The following THUMPD2 variants were observed in gnomAD, a reference collection of about 807,000 sequenced individuals.
The protein encoded by THUMPD2 is U6 snRNA (guanine-N(2))-methyltransferase THUMPD2.
THUMPD2 carries 56 observed loss-of-function variants against 49.4 expected under a neutral mutation model. The observed-to-expected ratio is 1.13, with a 90% CI of 0.91 to 1.41. The LOEUF (loss-of-function observed/expected upper bound fraction) is 1.41. THUMPD2 is among the 40% of genes most tolerant of loss of function. THUMPD2 has a pLI of 0.00. For synonymous variants in THUMPD2, 237 were observed against 205.2 expected (o/e 1.15, Z -1.32); for missense variants, 709 against 594.5 (o/e 1.19, Z -2.00).
intron 1 of THUMPD2, among the ~76,000 whole-genome samples, chr2:39,778,811 G>A (rs1679457252): frequency 2.6e-5 from 4 of 152,262 alleles, no homozygotes; most frequent in Admixed American, 2.6e-4. Context: ...TGACAGGCCA[G>A]ATTCTAATTA....
chr2:39,771,599 A>G lies in THUMPD2; in HGVS notation c.168T>C (p.Ser56=). The G allele has an allele frequency of 6.2e-7, 1 of 1,605,728 alleles. No homozygotes were observed. The highest frequency in any genetic ancestry group is 2.2e-5 in the East Asian group (1 of 44,588). Residue 56 remains serine, a synonymous_variant, in exon 2 of 10, where the codon TCT becomes TCC. Coordinates refer to ENST00000505747, the MANE Select transcript of THUMPD2 (RefSeq NM_025264.5). Reference sequence around the variant, plus strand: ...TTAATTTCTTCAACATATTCAAATCAGAACAGGTGGTGAAAAAAACCTTTC... The same window carrying G: ...TTAATTTCTTCAACATATTCAAATCGGAACAGGTGGTGAAAAAAACCTTTC... ...ISGKVFFTTC[S]DLNMLKKLKS...
chr2:39,753,289 T>C (rs532727813), intron 8 of THUMPD2, among the ~76,000 whole-genome samples: 3 of 152,278 alleles, frequency 2.0e-5, no homozygotes, highest in South Asian at 4.2e-4. Context: ...CCAGGCCTCA[T>C]TGTACTCCAC....
intron 9 of THUMPD2, among the ~76,000 whole-genome samples, chr2:39,740,038 A>C (rs887276025): frequency 6.6e-6 from 1 of 152,158 alleles, no homozygotes; most frequent in South Asian, 2.1e-4. Context: ...TGAGTACTTA[A>C]TATGTGCCAG....
intron 8 of THUMPD2, among the ~76,000 whole-genome samples, chr2:39,748,324 A>G (rs1012956630): frequency 6.6e-6 from 1 of 152,238 alleles, no homozygotes; most frequent in Admixed American, 6.5e-5. Flanking sequence ...ACAAGCAAAG[A>G]AAGTGTACTG....
chr2:39,758,673 T>TAA (rs1441291483), intron 6 of THUMPD2, among the ~76,000 whole-genome samples: 6 of 152,122 alleles, frequency 3.9e-5, no homozygotes, highest in African/African-American at 1.4e-4. Context: ...CAGAGATCCA[T>TAA]TTGCCTTTTA....
At chr2:39,751,150 G>C (rs1032062358) in intron 8 of THUMPD2, among the ~76,000 whole-genome samples, 12 of 152,256 alleles carry the variant, frequency 7.9e-5, no homozygotes, top group African/African-American at 2.7e-4. Context: ...GCAGCTTCAT[G>C]AATCTTGCAG....
chr2:39,745,160 A>G (rs1200459011), intron 8 of THUMPD2, among the ~76,000 whole-genome samples: 1 of 152,140 alleles, frequency 6.6e-6, no homozygotes, highest in Non-Finnish European at 1.5e-5. Flanking sequence ...CTTCTCATCC[A>G]TCTCCTAAAT....
intron 6 of THUMPD2, among the ~76,000 whole-genome samples, chr2:39,760,575 C>G (rs1241594426): frequency 6.6e-6 from 1 of 151,978 alleles, no homozygotes; most frequent in Non-Finnish European, 1.5e-5. Context: ...TTACTGAATT[C>G]TCTCACTGAA....
chr2:39,740,354 C>G (rs1371134283), intron 9 of THUMPD2, among the ~76,000 whole-genome samples: 2 of 152,116 alleles, frequency 1.3e-5, no homozygotes, highest in East Asian at 1.9e-4. Flanking sequence ...AAAGGAGATT[C>G]ATGACATTGT....
intron 8 of THUMPD2, among the ~76,000 whole-genome samples, chr2:39,747,262 T>A (rs1674725493): frequency 6.6e-6 from 1 of 152,226 alleles, no homozygotes; most frequent in Non-Finnish European, 1.5e-5. Context: ...GTGGCCAAAA[T>A]ATATTTTGAG....
intron 3 of THUMPD2, 59 bp downstream of exon 3, chr2:39,769,651 A>G: frequency 3.4e-6 from 5 of 1,453,348 alleles, no homozygotes; most frequent in Non-Finnish European, 4.5e-6. Flanking sequence ...GCAGTGAGCC[A>G]GATTGTGCAA....
intron 5 of THUMPD2, among the ~76,000 whole-genome samples, chr2:39,763,873 A>C (rs539075011): frequency 1.0e-3 from 153 of 151,032 alleles, no homozygotes; most frequent in African/African-American, 3.5e-3. Context: ...CCCCCATGTA[A>C]ATCAAACTTC....
rs771610213 is a variant in THUMPD2 at position 39,761,431 on chromosome 2, G to C, written c.804-13C>G. On this transcript the variant is annotated splice_polypyrimidine_tract_variant and intron_variant, in intron 5 of 9. Coordinates refer to ENST00000505747, the MANE Select transcript of THUMPD2 (RefSeq NM_025264.5). ...GGCTAGGGAAACCCTACAAAGGATAGAATCTGATTATATATTATTACACAT... is the reference window on the plus strand; with the variant it reads ...GGCTAGGGAAACCCTACAAAGGATACAATCTGATTATATATTATTACACAT... 1 of 1,609,852 alleles carries C rather than the reference G, an allele frequency of 6.2e-7. No homozygotes were observed. The highest frequency in any genetic ancestry group is 1.3e-5 in the African/African-American group (1 of 74,910).
At chr2:39,763,044 CAGA>C (rs1248629298) in intron 5 of THUMPD2, among the ~76,000 whole-genome samples, 3 of 151,966 alleles carry the variant, frequency 2.0e-5, no homozygotes, top group South Asian at 2.1e-4. Flanking sequence ...CAAAATTATT[CAGA>C]AGAAGGCACG....
intron 4 of THUMPD2, 57 bp from the exon 5 acceptor site, chr2:39,766,166 T>C: frequency 1.6e-6 from 2 of 1,283,368 alleles, no homozygotes; most frequent in Non-Finnish European, 2.1e-6. Flanking sequence ...ACCAAATTAC[T>C]GACAATTTGA....
At chr2:39,769,459 T>C (rs2148331656) in intron 3 of THUMPD2, 1 of 355,640 alleles carries the variant, frequency 2.8e-6, no homozygotes, top group Non-Finnish European at 5.0e-6. Context: ...CCCAGCACTT[T>C]GGGAGGCCGA....
chr2:39,745,926 A>G (rs536301963), intron 8 of THUMPD2, among the ~76,000 whole-genome samples: 61 of 152,252 alleles, frequency 4.0e-4, no homozygotes, highest in African/African-American at 1.4e-3. Context: ...GGAGTCAGAC[A>G]GCTTGCATTT....
intron 1 of THUMPD2, among the ~76,000 whole-genome samples, chr2:39,773,738 T>C (rs1000116185): frequency 1.3e-5 from 2 of 151,630 alleles, no homozygotes; most frequent in Non-Finnish European, 2.9e-5. Context: ...ATCATAAGAA[T>C]AGTATATATT....
rs559239817 is a variant in THUMPD2 at position 39,755,754 on chromosome 2, TTTTG to T, written c.963+131_963+134del. Reference sequence around the variant, plus strand: ...AATTTCATTAGTCCCTCATCATCTATTTTGAGTAAATAATAACTCATATAATTAA... The same window carrying T: ...AATTTCATTAGTCCCTCATCATCTATAGTAAATAATAACTCATATAATTAA... On this transcript the variant is annotated intron_variant, in intron 7 of 9. Transcript: ENST00000505747. The T allele has an allele frequency of 2.9e-3, 1,369 of 472,980 alleles. 27 individuals carry two copies. The South Asian group carries it at 0.041, about 14-fold the overall frequency. 29.3% of individuals were successfully genotyped at this position (472,980 alleles called of 1,614,324 possible).
Sources: allele counts gnomAD v4.1 joint callset (sites outside exome capture counted in the v4.1 genomes callset), GRCh38; gene constraint gnomAD v4.1.1; transcripts MANE v1.5; gene names NCBI Gene and HGNC (gene_info 2026-07-23, HGNC 2026-07-21).